CHL1: variants seen among roughly 807,000 people sequenced by gnomAD.
The protein encoded by CHL1 is cell adhesion molecule L1 like, also known as neural cell adhesion molecule L1-like protein.
In CHL1, 96 loss-of-function variants were observed where a neutral mutation model predicts 141.9. The observed-to-expected ratio is 0.68, with a 90% confidence interval of 0.57 to 0.80. The LOEUF (loss-of-function observed/expected upper bound fraction) is 0.80. CHL1 is among the 30% of genes least tolerant of loss of function. CHL1 has a pLI of 0.00. For synonymous variants in CHL1, 613 were observed against 502.2 expected (o/e 1.22, Z -2.95); for missense variants, 1,820 against 1,457.2 (o/e 1.25, Z -4.05).
At chr3:236,234 C>T (rs1201080607) in intron 1 of CHL1, among the ~76,000 whole-genome samples, 2 of 152,174 alleles carry the variant, frequency 1.3e-5, no homozygotes, top group East Asian at 3.8e-4. Context: ...CAGGAGTTAA[C>T]TAACTTTCCC....
At chr3:265,789 G>A (rs1331025082) in intron 2 of CHL1, among the ~76,000 whole-genome samples, 2 of 152,172 alleles carry the variant, frequency 1.3e-5, no homozygotes, top group Admixed American at 6.5e-5. Flanking sequence ...TTTGTAAGGT[G>A]GGAGTGGAAT....
intron 2 of CHL1, among the ~76,000 whole-genome samples, chr3:315,419 G>C (rs747458427): frequency 6.6e-5 from 10 of 152,116 alleles, no homozygotes; most frequent in African/African-American, 4.8e-5. Context: ...AAGTAGAATG[G>C]ACAAAGACTT....
chr3:395,089 C>T (rs1401100320), intron 24 of CHL1, among the ~76,000 whole-genome samples: 2 of 152,248 alleles, frequency 1.3e-5, no homozygotes, highest in East Asian at 3.9e-4. Context: ...GATTTCTGCG[C>T]AATACCAATC....
chr3:209,813 A>G (rs1248865395), intron 1 of CHL1, among the ~76,000 whole-genome samples: 1 of 152,212 alleles, frequency 6.6e-6, no homozygotes, highest in African/African-American at 2.4e-5. Context: ...TTTCTTTTAC[A>G]AGCAATGCAC....
At position 404,455 on chromosome 3, in the gene CHL1, G is replaced by A. The variant is rs1443637687; in HGVS notation, c.3459-1040G>A. ...ATAGCTTCATAATGTAATACTAATTGGTACTTAAAAAAATCTTGATCCAAA... is the reference window on the plus strand; with the variant it reads ...ATAGCTTCATAATGTAATACTAATTAGTACTTAAAAAAATCTTGATCCAAA... On this transcript the variant is annotated intron_variant, in intron 27 of 27. Transcript: ENST00000256509. 4.6e-5 allele frequency among the ~76,000 whole-genome samples: 7 copies of A among 151,690 alleles called. No individual in the cohort carries two copies. In the East Asian group the frequency reaches 1.4e-3, roughly 29 times the overall value.
intron 2 of CHL1, among the ~76,000 whole-genome samples, chr3:314,638 G>C (rs957983101): frequency 5.3e-5 from 8 of 151,948 alleles, no homozygotes; most frequent in Middle Eastern, 3.4e-3. Context: ...TACGTTTAGT[G>C]GCTGGCTGGC....
intron 1 of CHL1, among the ~76,000 whole-genome samples, chr3:231,391 G>C (rs1335418594): frequency 6.6e-6 from 1 of 151,588 alleles, no homozygotes; most frequent in African/African-American, 2.4e-5. Flanking sequence ...GTAGATAATT[G>C]CATATGTACA....
intron 1 of CHL1, among the ~76,000 whole-genome samples, chr3:221,561 C>T (rs1040424240): frequency 1.3e-5 from 2 of 152,116 alleles, no homozygotes; most frequent in African/African-American, 4.8e-5. Flanking sequence ...AAAGACCAGA[C>T]AAAAAGTCAA....
At chr3:289,586 C>T (rs1697477869) in intron 2 of CHL1, among the ~76,000 whole-genome samples, 1 of 152,058 alleles carries the variant, frequency 6.6e-6, no homozygotes, top group African/African-American at 2.4e-5. Context: ...GAGCTTGGTT[C>T]CTGCACGACT....
chr3:342,653 G>T (rs1702430962), intron 7 of CHL1, among the ~76,000 whole-genome samples: 1 of 152,084 alleles, frequency 6.6e-6, no homozygotes, highest in Admixed American at 6.5e-5. Flanking sequence ...GTTGAAAGTT[G>T]GCATTACCAT....
At chr3:216,738 T>C (rs1700356721) in intron 1 of CHL1, among the ~76,000 whole-genome samples, 1 of 152,222 alleles carries the variant, frequency 6.6e-6, no homozygotes, top group African/African-American at 2.4e-5. Flanking sequence ...CTGCTAAATA[T>C]GGCCAATCAC....
chr3:301,660 G>C (rs1009707165), intron 2 of CHL1, among the ~76,000 whole-genome samples: 11 of 152,184 alleles, frequency 7.2e-5, no homozygotes, highest in Admixed American at 2.0e-4. Flanking sequence ...CTTCTAAAGA[G>C]ATGCGGCATT....
intron 2 of CHL1, among the ~76,000 whole-genome samples, chr3:265,171 A>G (rs1488792576): frequency 6.6e-6 from 1 of 152,208 alleles, no homozygotes; most frequent in African/African-American, 2.4e-5. Context: ...AGGGTTCCAG[A>G]GACAAACTGC....
intron 1 of CHL1, among the ~76,000 whole-genome samples, chr3:201,783 A>T (rs1698967605): frequency 6.6e-6 from 1 of 151,996 alleles, no homozygotes; most frequent in South Asian, 2.1e-4. Flanking sequence ...CTCCCTTCTA[A>T]TGTTTGTTTG....
chr3:342,486 G>C (rs11715127), intron 7 of CHL1, among the ~76,000 whole-genome samples: 9,583 of 152,190 alleles, frequency 0.063, 361 homozygotes, highest in South Asian at 0.092. Context: ...CACCAAACTG[G>C]CAAACTTACT....
intron 2 of CHL1, among the ~76,000 whole-genome samples, chr3:319,441 C>T (rs1285296874): frequency 6.6e-6 from 1 of 151,618 alleles, no homozygotes; most frequent in Non-Finnish European, 1.5e-5. Context: ...GTAAAACTTC[C>T]TCTGACTTAG....
At chr3:204,173 A>T (rs748699149) in intron 1 of CHL1, among the ~76,000 whole-genome samples, 63 of 152,264 alleles carry the variant, frequency 4.1e-4, no homozygotes, top group Non-Finnish European at 6.9e-4. Flanking sequence ...GAGAGCTGAC[A>T]TAGCAGAGAG....
chr3:246,162 A>T (rs1227266755), intron 2 of CHL1, among the ~76,000 whole-genome samples: 2 of 152,130 alleles, frequency 1.3e-5, no homozygotes, highest in Non-Finnish European at 2.9e-5. Flanking sequence ...ATCTTCTGAG[A>T]TAGTAATGAA....
At chr3:320,026 G>C (rs1700438298) in intron 3 of CHL1, among the ~76,000 whole-genome samples, 159 bp downstream of exon 3, 1 of 151,698 alleles carries the variant, frequency 6.6e-6, no homozygotes, top group Admixed American at 6.6e-5. Flanking sequence ...TTTTCGTTTT[G>C]TGGGTGGCTG....
Sources: allele counts gnomAD v4.1 joint callset (sites outside exome capture counted in the v4.1 genomes callset), GRCh38; gene constraint gnomAD v4.1.1; transcripts MANE v1.5; gene names NCBI Gene and HGNC (gene_info 2026-07-23, HGNC 2026-07-21).